BBOX1: variants seen among roughly 807,000 people sequenced by gnomAD.
BBOX1 encodes the protein gamma-butyrobetaine hydroxylase 1.
A neutral mutation model predicts 41.6 loss-of-function variants in BBOX1; 35 were observed. The ratio of observed to expected loss-of-function variants is 0.84; its 90% confidence interval spans 0.64 to 1.11. The LOEUF (loss-of-function observed/expected upper bound fraction) is 1.11, where lower values mean the gene tolerates loss of function less well. Ranked by LOEUF, BBOX1 falls within the 50% of genes most tolerant of loss-of-function variation. The pLI is 0.00. For missense variants in BBOX1, 458 were observed against 460.6 expected (o/e 0.99, Z 0.05); for synonymous variants, 163 against 154.7 (o/e 1.05, Z -0.40).
chr11:27,115,320 C>T (rs1859218986), intron 5 of BBOX1, 132 bp from the exon 6 acceptor site: 2 of 672,558 alleles, frequency 3.0e-6, no homozygotes, highest in Non-Finnish European at 4.8e-6. Flanking sequence ...CCTTGTCTCA[C>T]TCATAGTCAT....
At chr11:27,060,122 A>T (rs966910320) in intron 4 of BBOX1, among the ~76,000 whole-genome samples, 2 of 152,142 alleles carry the variant, frequency 1.3e-5, no homozygotes, top group African/African-American at 4.8e-5. Flanking sequence ...GTAATCTCCA[A>T]TGTTGGAGGT....
rs143621451 is a variant in BBOX1 at position 27,079,968 on chromosome 11, G to A, written c.335-13200G>A. Among the ~76,000 whole-genome samples, 310 of 152,114 alleles carry A rather than the reference G, an allele frequency of 2.0e-3. 1 individual carries two copies. The highest frequency in any genetic ancestry group is 2.9e-3 in the Non-Finnish European group (198 of 67,964). On this transcript the variant is annotated intron_variant, in intron 4 of 8. Transcript: ENST00000263182. ...TGCTTCTACTGTTAACCCGCTGTCC[G>A]CACTACCAACATCATATGCCCTTCT...
rs1207819058 is a variant in BBOX1, at chr11:27,115,484, C to T, written c.566C>T (p.Ala189Val). ...TGGCAAGTGCAAGACAAAATCGATG[C>T]AAACAATGTGGCTTACACAACTGGG... Reference protein sequence around the residue: ...HTWQVQDKIDANNVAYTTGKL... With the variant: ...HTWQVQDKIDVNNVAYTTGKL... Residue 189 changes from alanine (A) to valine (V), a missense_variant, in exon 6 of 9, where the codon GCA (alanine) becomes GTA (valine). Coordinates refer to ENST00000263182, the MANE Select transcript of BBOX1 (RefSeq NM_003986.3). The T allele has an allele frequency of 1.9e-6, 3 of 1,610,660 alleles. No individual in the cohort carries two copies. The highest frequency in any genetic ancestry group is 2.5e-6 in the Non-Finnish European group (3 of 1,177,946).
intron 7 of BBOX1, among the ~76,000 whole-genome samples, chr11:27,121,386 T>G (rs1859458624): frequency 6.6e-6 from 1 of 152,172 alleles, no homozygotes; most frequent in Non-Finnish European, 1.5e-5. Context: ...AAGATCCTGA[T>G]CAAAGGAAAG....
chr11:27,108,515 A>G (rs941212900), intron 5 of BBOX1, among the ~76,000 whole-genome samples: 2 of 152,104 alleles, frequency 1.3e-5, no homozygotes, highest in Non-Finnish European at 2.9e-5. Context: ...AGTGTTGACA[A>G]TCGTCTGGAT....
intron 5 of BBOX1, among the ~76,000 whole-genome samples, chr11:27,113,517 G>C (rs1177391137): frequency 6.6e-6 from 1 of 151,812 alleles, no homozygotes; most frequent in Non-Finnish European, 1.5e-5. Flanking sequence ...CATGGATGGA[G>C]CCAGATGCCA....
intron 2 of BBOX1, among the ~76,000 whole-genome samples, chr11:27,048,553 G>GATAT (rs1002326958): frequency 1.5e-5 from 2 of 134,724 alleles, no homozygotes; most frequent in African/African-American, 5.3e-5. Flanking sequence ...TAGATAGATA[G>GATAT]ATAATAGATA....
At chr11:27,085,137 G>T (rs1420872715) in intron 4 of BBOX1, among the ~76,000 whole-genome samples, 4 of 152,124 alleles carry the variant, frequency 2.6e-5, no homozygotes, top group Admixed American at 2.6e-4. Context: ...CACATACAAA[G>T]TTAAAATTTC....
chr11:27,055,407 C>A lies in BBOX1; in HGVS notation c.-24C>A. ...ATTTGTCATAGCAGGTAGCTGACAG[C>A]ATCTACTCCTGAAGACCGGAAACAT... On this transcript the variant is annotated 5_prime_UTR_variant, in exon 3 of 9. Transcript: ENST00000263182. 1 of 1,605,208 alleles carries A rather than the reference C, an allele frequency of 6.2e-7. No homozygotes were observed. Among genetic ancestry groups the A allele is most frequent in the Non-Finnish European group, 8.5e-7 (1 of 1,173,754 alleles).
At chr11:27,075,297 C>T (rs1267796494) in intron 4 of BBOX1, among the ~76,000 whole-genome samples, 1 of 152,086 alleles carries the variant, frequency 6.6e-6, no homozygotes, top group African/African-American at 2.4e-5. Context: ...TAATGATGTG[C>T]TTGGTGTATG....
intron 4 of BBOX1, among the ~76,000 whole-genome samples, chr11:27,069,785 A>G: frequency 6.6e-6 from 1 of 151,660 alleles, no homozygotes; most frequent in East Asian, 1.9e-4. Context: ...GCCTTTATTC[A>G]CCTCCTAGCA....
Position 27,075,627 on chromosome 11 carries a change from T to A in BBOX1, c.335-17541T>A, listed in dbSNP as rs544455078. The stretch of plus-strand genomic sequence containing the variant: ...CACACTCCTGACCCAGTGCTACAGC[T>A]ATTCAAATCAGACAGGCATCTCTTT... On this transcript the variant is annotated intron_variant, in intron 4 of 8. Transcript: ENST00000263182. Among the ~76,000 whole-genome samples, 120 of 152,268 alleles carry A rather than the reference T, an allele frequency of 7.9e-4. 1 individual carries two copies. The highest frequency in any genetic ancestry group is 1.5e-3 in the Admixed American group (23 of 15,300).
chr11:27,091,625 G>A (rs1344564478), intron 4 of BBOX1, among the ~76,000 whole-genome samples: 3 of 151,794 alleles, frequency 2.0e-5, no homozygotes, highest in Non-Finnish European at 4.4e-5. Flanking sequence ...AATATCAGAA[G>A]CACTTGAAAA....
intron 4 of BBOX1, 117 bp from the exon 5 acceptor site, chr11:27,093,051 A>C (rs1316480431): frequency 6.9e-6 from 7 of 1,020,438 alleles, no homozygotes; most frequent in Non-Finnish European, 1.4e-6. Context: ...ATAACATTTA[A>C]TAAAGTCCAT....
At chr11:27,068,405 C>T (rs1041620683) in intron 4 of BBOX1, among the ~76,000 whole-genome samples, 3 of 151,982 alleles carry the variant, frequency 2.0e-5, no homozygotes, top group East Asian at 3.9e-4. Context: ...CATCTGCCCA[C>T]GTTTTGATGG....
At chr11:27,068,487 T>G (rs1857354733) in intron 4 of BBOX1, among the ~76,000 whole-genome samples, 2 of 152,128 alleles carry the variant, frequency 1.3e-5, no homozygotes, top group South Asian at 4.1e-4. Flanking sequence ...TTGGGATGGA[T>G]AGTTTGCAAA....
intron 6 of BBOX1, among the ~76,000 whole-genome samples, chr11:27,117,521 G>A (rs111360578): frequency 0.033 from 5,066 of 152,002 alleles, 127 homozygotes; most frequent in South Asian, 0.11. Flanking sequence ...TAAAACCCTA[G>A]AGTTAAGAGC....
intron 5 of BBOX1, among the ~76,000 whole-genome samples, chr11:27,098,335 T>C (rs2134055139): frequency 6.6e-6 from 1 of 152,084 alleles, no homozygotes; most frequent in Admixed American, 6.6e-5. Context: ...GCCCTGGCAT[T>C]ATAATAAACC....
Position 27,119,717 on chromosome 11 carries a change from T to G in BBOX1, c.708T>G (p.Asn236Lys), listed in dbSNP as rs896117613. 1.2e-6 allele frequency: 2 copies of G among 1,604,776 alleles called. No homozygotes were observed. Among genetic ancestry groups the G allele is most frequent in the African/African-American group, 2.7e-5 (2 of 74,472 alleles). ...ATTCAGAAATTGTAGATGGGTTTAA[T>G]GTGTGCCAAAAACTAAAGAAAAATA... ...GGDSEIVDGF[N>K]VCQKLKKNNP... The change falls in exon 7 of 9, where the codon AAT becomes AAG. Residue 236 changes from asparagine (N) to lysine (K), a missense_variant. Asn to Lys is a moderately conservative substitution (Grantham distance 94). Coordinates refer to ENST00000263182, the MANE Select transcript of BBOX1 (RefSeq NM_003986.3).
Sources: gnomAD v4.1 joint callset for allele counts (sites outside exome capture counted in the v4.1 genomes callset) on GRCh38, gnomAD v4.1.1 for gene constraint, MANE v1.5 for transcripts, NCBI Gene and HGNC (gene_info 2026-07-23, HGNC 2026-07-21) for gene names.